LDLRAD4: variants seen among roughly 807,000 people sequenced by gnomAD.
LDLRAD4 encodes low density lipoprotein receptor class A domain containing 4, also known as low-density lipoprotein receptor class A domain-containing protein 4.
A neutral mutation model predicts 17.0 loss-of-function variants in LDLRAD4; 5 were observed. The ratio of observed to expected loss-of-function variants is 0.29; its 90% CI spans 0.15 to 0.62. The LOEUF (loss-of-function observed/expected upper bound fraction) is 0.62. Ranked by LOEUF, LDLRAD4 falls within the 20% of genes least tolerant of loss-of-function variation. The pLI is 0.84. For missense variants in LDLRAD4, 340 were observed against 424.7 expected, an observed-to-expected ratio of 0.80 and a Z score of 1.75; for synonymous variants, 168 against 171.8, an observed-to-expected ratio of 0.98 and a Z score of 0.17.
At chr18:13,427,030 A>G (rs2089989311) in intron 2 of LDLRAD4, among the ~76,000 whole-genome samples, 1 of 151,774 alleles carries the variant, frequency 6.6e-6, no homozygotes, top group Admixed American at 6.6e-5. Flanking sequence ...CTAAAATACA[A>G]AAAAAATGAG....
At chr18:13,477,916 C>A (rs185039728) in intron 3 of LDLRAD4, among the ~76,000 whole-genome samples, 2 of 152,264 alleles carry the variant, frequency 1.3e-5, no homozygotes, top group African/African-American at 4.8e-5. Flanking sequence ...GCGGCTTTTC[C>A]GTGGTCCCGG....
chr18:13,632,286 G>A lies in LDLRAD4; in HGVS notation c.336+11015G>A, dbSNP rs532592383. On this transcript the variant is annotated intron_variant, in intron 4 of 5. Coordinates refer to ENST00000359446, the Ensembl canonical transcript of LDLRAD4. ...CCCTGGCAGGCTGCGCTCAGCTCAC[G>A]TTACTGGCCCAGATCCCACACCTGC... Among the ~76,000 whole-genome samples the A allele has an allele frequency of 1.3e-4, 20 of 152,338 alleles. 1 individual carries two copies. The highest frequency in any genetic ancestry group is 9.8e-4 in the Admixed American group (15 of 15,306).
chr18:13,618,280 C>T (rs530527988), intron 3 of LDLRAD4, among the ~76,000 whole-genome samples: 2 of 152,312 alleles, frequency 1.3e-5, no homozygotes, highest in Admixed American at 6.5e-5. Context: ...ACACATGCAA[C>T]GGAGGCCTGG....
In LDLRAD4 at chr18:13,233,901, C is replaced by T. The variant is rs1348472299; in HGVS notation, c.-467+14913C>T. 3.3e-5 allele frequency among the ~76,000 whole-genome samples: 5 copies of T among 152,126 alleles called. No individual in the cohort carries two copies. The South Asian group carries it at 6.2e-4, about 19-fold the overall frequency. On this transcript the variant is annotated intron_variant, in intron 1 of 5. Transcript: ENST00000399848. The stretch of plus-strand genomic sequence containing the variant: ...CCAGCTGCTCCTCCCTGCCCCTCAG[C>T]CCCCCAGCCCTGTCACTCCCTCACT...
intron 3 of LDLRAD4, chr18:13,611,790 G>T: frequency 1.0e-6 from 1 of 985,712 alleles, no homozygotes; most frequent in Non-Finnish European, 1.2e-6. Flanking sequence ...GGAAGAGCGA[G>T]CCGGGGGGAA....
intron 1 of LDLRAD4, among the ~76,000 whole-genome samples, chr18:13,304,306 G>T (rs1288084850): frequency 6.6e-6 from 1 of 152,226 alleles, no homozygotes. Context: ...GGGCAGCGTG[G>T]GGAAGGGGAG....
intron 2 of LDLRAD4, among the ~76,000 whole-genome samples, chr18:13,401,509 G>C (rs968063009): frequency 8.5e-5 from 13 of 152,290 alleles, no homozygotes; most frequent in African/African-American, 3.1e-4. Context: ...GTGTGAGCGT[G>C]AGAGGAGCAG....
At chr18:13,402,788 C>T (rs1243371512) in intron 2 of LDLRAD4, among the ~76,000 whole-genome samples, 3 of 152,072 alleles carry the variant, frequency 2.0e-5, no homozygotes, top group Non-Finnish European at 4.4e-5. Flanking sequence ...AAATGTCAAC[C>T]AGGAAGGAAA....
intron 1 of LDLRAD4, among the ~76,000 whole-genome samples, chr18:13,260,962 G>A (rs1015278012): frequency 2.0e-5 from 3 of 152,224 alleles, no homozygotes; most frequent in Admixed American, 1.3e-4. Flanking sequence ...TGGGACTAAT[G>A]TGTCTGAAGA....
intron 1 of LDLRAD4, chr18:13,241,495 G>A (rs1264808210): frequency 6.6e-6 from 1 of 152,484 alleles, no homozygotes; most frequent in East Asian, 1.9e-4. Flanking sequence ...CCTCAAGGTA[G>A]ACAGCAAAAC....
intron 3 of LDLRAD4, among the ~76,000 whole-genome samples, chr18:13,493,524 G>A (rs780468145): frequency 1.3e-5 from 2 of 152,174 alleles, no homozygotes; most frequent in Non-Finnish European, 2.9e-5. Context: ...TGAGGCTTCC[G>A]GCTTTGGTGT....
At chr18:13,609,539 G>C (rs1284660032) in intron 3 of LDLRAD4, among the ~76,000 whole-genome samples, 1 of 151,386 alleles carries the variant, frequency 6.6e-6, no homozygotes, top group Admixed American at 6.6e-5. Context: ...GCGTGTGTGT[G>C]TGTGTGTGTG....
rs890786825 is a variant in LDLRAD4 at position 13,300,542 on chromosome 18, A to G, written c.-383+22354A>G. Among the ~76,000 whole-genome samples, 4 of 152,058 alleles carry G rather than the reference A, an allele frequency of 2.6e-5. No homozygotes were observed. Among genetic ancestry groups the G allele is most frequent in the African/African-American group, 9.7e-5 (4 of 41,450 alleles). On this transcript the variant is annotated intron_variant, in intron 1 of 5. Transcript: ENST00000359446. This position sits in a 1 kb window ranked among gnomAD's most constrained non-coding sequence, Gnocchi z 4.2. ...CTCTTCCTCCTGGGCCTGTCCCGGT[A>G]GAGATACCCGGAACCCTCTCCTTCT... is the stretch of plus-strand genomic sequence containing the variant.
At chr18:13,368,395 T>A (rs894079741) in intron 1 of LDLRAD4, among the ~76,000 whole-genome samples, 2 of 152,180 alleles carry the variant, frequency 1.3e-5, no homozygotes, top group East Asian at 3.8e-4. Context: ...AGGTGTGCAC[T>A]GCCCCGGCCT....
rs150198388 is a variant in LDLRAD4, at chr18:13,226,856, G to A, written c.-467+7868G>A. 3.0e-3 allele frequency among the ~76,000 whole-genome samples: 454 copies of A among 152,276 alleles called. 3 individuals carry two copies. Among genetic ancestry groups the A allele is most frequent in the African/African-American group, 0.01 (420 of 41,546 alleles). On this transcript the variant is annotated intron_variant, in intron 1 of 5. Coordinates refer to the LDLRAD4 transcript ENST00000399848. ...GATACGATGGGCATAGACTGCTCTT[G>A]GTCTTCCCCCAGCCTCCTCATCCTC... is the stretch of plus-strand genomic sequence containing the variant.
At chr18:13,401,174 A>C (rs1383950776) in intron 2 of LDLRAD4, among the ~76,000 whole-genome samples, 2 of 152,146 alleles carry the variant, frequency 1.3e-5, no homozygotes, top group African/African-American at 4.8e-5. Context: ...GGGCTGGAAC[A>C]GAGTTGGTGT....
intron 1 of LDLRAD4, among the ~76,000 whole-genome samples, chr18:13,289,136 G>A (rs903709734): frequency 1.2e-4 from 18 of 152,242 alleles, no homozygotes; most frequent in Admixed American, 1.0e-3. Flanking sequence ...CCACATGGCT[G>A]TAAAGGTCCC....
intron 3 of LDLRAD4, among the ~76,000 whole-genome samples, chr18:13,536,885 TG>T (rs1219678872): frequency 2.0e-5 from 3 of 152,140 alleles, no homozygotes; most frequent in Non-Finnish European, 2.9e-5. Context: ...AATGATTATA[TG>T]TTTTTTTCAA....
In LDLRAD4 at chr18:13,367,424, G is replaced by C. The variant is rs770912588; in HGVS notation, c.-382-19917G>C. ...GAGGGGGTCTCAGGCATTGAACTGC[G>C]TGGGGCACTCCATGGGGCAGAAAAG... On this transcript the variant is annotated intron_variant, in intron 1 of 5. Coordinates refer to ENST00000359446, the Ensembl canonical transcript of LDLRAD4. The surrounding 1 kb of genome is among the most constrained non-coding windows in gnomAD (Gnocchi z 4.1). 6.6e-6 allele frequency among the ~76,000 whole-genome samples: 1 copy of C among 152,176 alleles called. No homozygotes were observed. Among genetic ancestry groups the C allele is most frequent in the Non-Finnish European group, 1.5e-5 (1 of 68,028 alleles).
Sources: gnomAD v4.1 joint callset for allele counts (sites outside exome capture counted in the v4.1 genomes callset) on GRCh38, gnomAD v4.1.1 for gene constraint, Gnocchi (gnomAD v3.1) non-coding constraint, MANE v1.5 for transcripts, NCBI Gene and HGNC (gene_info 2026-07-23, HGNC 2026-07-21) for gene names.